Variants in GRK5 observed in about 807,000 individuals in gnomAD.
GRK5 encodes the protein G protein-coupled receptor kinase 5.
GRK5 carries 40 observed loss-of-function variants against 78.4 expected under a neutral mutation model. That is an observed-to-expected ratio of 0.51 (90% CI 0.40 to 0.66). The LOEUF (loss-of-function observed/expected upper bound fraction) is 0.66. Among genes scored for constraint, GRK5 ranks in the 30% least tolerant of loss-of-function variants. The pLI, the probability that GRK5 is intolerant of heterozygous loss-of-function variation, is 0.00. For missense variants in GRK5, 598 were observed against 759.9 expected, an observed-to-expected ratio of 0.79 and a Z score of 2.50; for synonymous variants, 289 against 296.8, an observed-to-expected ratio of 0.97 and a Z score of 0.27.
rs748682304 is a variant in GRK5 at position 119,441,990 on chromosome 10, C to A, written c.968-9C>A. On this transcript the variant is annotated splice_polypyrimidine_tract_variant and intron_variant, in intron 10 of 15. Coordinates refer to ENST00000392870, the MANE Select transcript of GRK5 (RefSeq NM_005308.3). ...CCCAGGGACCCACTGACCCTGCTGTCCCCCTCAGGCCACATTAGGATCTCA... is the reference window on the plus strand; with the variant it reads ...CCCAGGGACCCACTGACCCTGCTGTACCCCTCAGGCCACATTAGGATCTCA... The A allele has an allele frequency of 1.2e-6, 2 of 1,612,628 alleles. No individual in the cohort carries two copies. The highest frequency in any genetic ancestry group is 1.1e-5 in the South Asian group (1 of 91,046).
chr10:119,329,857 C>CTTTTT (rs1177940254), intron 2 of GRK5, among the ~76,000 whole-genome samples: 9 of 110,380 alleles, frequency 8.2e-5, no homozygotes, highest in East Asian at 3.1e-4. Context: ...CAGACACCTA[C>CTTTTT]TTTTTTTTTT....
chr10:119,214,588 C>G (rs1848541156), intron 1 of GRK5, among the ~76,000 whole-genome samples: 1 of 152,072 alleles, frequency 6.6e-6, no homozygotes, highest in South Asian at 2.1e-4. Context: ...GGTGCCATCT[C>G]AGCTCACTGC....
intron 1 of GRK5, among the ~76,000 whole-genome samples, chr10:119,245,656 C>G (rs1849095223): frequency 6.6e-6 from 1 of 152,080 alleles, no homozygotes; most frequent in Non-Finnish European, 1.5e-5. Flanking sequence ...TTCTGATATA[C>G]AAGATGAGAA....
chr10:119,227,295 G>A (rs1159318323), intron 1 of GRK5, among the ~76,000 whole-genome samples: 3 of 152,224 alleles, frequency 2.0e-5, no homozygotes, highest in Non-Finnish European at 4.4e-5. Flanking sequence ...GGCTGGGCAC[G>A]GTGGCTCATG....
rs1849229467 is a variant in GRK5 at position 119,253,199 on chromosome 10, TC to T, written c.52+45231del. ...TACACCACCCAGTGCCCCCTTGAGC[TC>T]ACATCTGAGGGTCTGTTGAGATTAC... is the stretch of plus-strand genomic sequence containing the variant. On this transcript the variant is annotated intron_variant, in intron 1 of 15. Coordinates refer to ENST00000392870, the MANE Select transcript of GRK5 (RefSeq NM_005308.3). The surrounding 1 kb of genome is among the most constrained non-coding windows in gnomAD (Gnocchi z 5.7). Among the ~76,000 whole-genome samples, 3 of 152,168 alleles carry T rather than the reference TC, an allele frequency of 2.0e-5. No individual in the cohort carries two copies. Among genetic ancestry groups the T allele is most frequent in the Non-Finnish European group, 2.9e-5 (2 of 68,022 alleles).
At chr10:119,226,959 A>G (rs116159992) in intron 1 of GRK5, among the ~76,000 whole-genome samples, 234 of 152,234 alleles carry the variant, frequency 1.5e-3, no homozygotes, top group African/African-American at 5.0e-3. Flanking sequence ...CCTGGGCTCA[A>G]GTGGTTTTCC....
At chr10:119,225,085 G>C (rs145970646) in intron 1 of GRK5, among the ~76,000 whole-genome samples, 230 of 152,208 alleles carry the variant, frequency 1.5e-3, no homozygotes, top group African/African-American at 5.3e-3. Flanking sequence ...AGCCAAGAGG[G>C]GTTACATTTG....
At chr10:119,292,483 A>C (rs1850000409) in intron 1 of GRK5, among the ~76,000 whole-genome samples, 1 of 152,216 alleles carries the variant, frequency 6.6e-6, no homozygotes, top group Non-Finnish European at 1.5e-5. Context: ...AAAAAAACCC[A>C]ATACCCTAAA....
At chr10:119,304,940 C>T (rs991376896) in intron 1 of GRK5, among the ~76,000 whole-genome samples, 8 of 152,112 alleles carry the variant, frequency 5.3e-5, no homozygotes, top group East Asian at 3.9e-4. Flanking sequence ...TTCTTCCCTT[C>T]CTTCTTCCCT....
intron 3 of GRK5, among the ~76,000 whole-genome samples, chr10:119,394,852 C>CCCTAT: frequency 6.8e-6 from 1 of 147,862 alleles, no homozygotes; most frequent in East Asian, 2.1e-4. Flanking sequence ...CGTGTGTGTG[C>CCCTAT]ACACATGTGC....
intron 4 of GRK5, among the ~76,000 whole-genome samples, chr10:119,411,566 G>T (rs998652500): frequency 6.6e-6 from 1 of 152,180 alleles, no homozygotes; most frequent in Non-Finnish European, 1.5e-5. Context: ...TGCTGAGCAT[G>T]CTTTTTAAGA....
rs754511005 is a variant in GRK5, at chr10:119,378,677, T to A, written c.149-2138T>A. ...TCTCCGCTTGTGTGCGGGCTGCGCC[T>A]CCGTGGGCTCTCGCTGCGTGGGGGG... On this transcript the variant is annotated intron_variant, in intron 2 of 15. Coordinates refer to ENST00000392870, the MANE Select transcript of GRK5 (RefSeq NM_005308.3). The surrounding 1 kb of genome is among the most constrained non-coding windows in gnomAD (Gnocchi z 4.5). Among the ~76,000 whole-genome samples the A allele has an allele frequency of 3.8e-5, 3 of 79,766 alleles. No homozygotes were observed. In the East Asian group the frequency reaches 4.5e-3, roughly 119 times the overall value. The allele number at this position is 79,766 out of a possible 152,430, so 52.3% of individuals were successfully genotyped here. A position where few individuals can be genotyped will look rare whatever the true frequency, so the allele number is the denominator to read the frequency against.
intron 1 of GRK5, among the ~76,000 whole-genome samples, chr10:119,248,374 C>T (rs560266886): frequency 6.6e-6 from 1 of 152,262 alleles, no homozygotes; most frequent in Non-Finnish European, 1.5e-5. Flanking sequence ...GTACAGCTTG[C>T]TTTTTTCACT....
At chr10:119,355,032 T>C (rs146874815) in intron 2 of GRK5, among the ~76,000 whole-genome samples, 29 of 152,320 alleles carry the variant, frequency 1.9e-4, no homozygotes, top group African/African-American at 6.7e-4. Flanking sequence ...TTCTCCTGTA[T>C]ACTTTAAATC....
intron 1 of GRK5, among the ~76,000 whole-genome samples, chr10:119,226,417 G>A (rs1848742716): frequency 6.7e-6 from 1 of 148,322 alleles, no homozygotes; most frequent in Non-Finnish European, 1.5e-5. Context: ...GTTCAAGCGT[G>A]CTGATTCTCT....
At chr10:119,241,875 A>C (rs1372240430) in intron 1 of GRK5, among the ~76,000 whole-genome samples, 1 of 152,204 alleles carries the variant, frequency 6.6e-6, no homozygotes, top group East Asian at 1.9e-4. Context: ...AATGTGGCTC[A>C]AGGAGGCAGC....
chr10:119,393,922 G>A (rs560892558), intron 3 of GRK5, among the ~76,000 whole-genome samples: 1 of 151,456 alleles, frequency 6.6e-6, no homozygotes, highest in Admixed American at 6.6e-5. Context: ...GTGTTTGTGT[G>A]GATGGGTATC....
At chr10:119,381,747 GCCCCT>G (rs1851712925) in intron 3 of GRK5, among the ~76,000 whole-genome samples, 1 of 152,014 alleles carries the variant, frequency 6.6e-6, no homozygotes, top group Non-Finnish European at 1.5e-5. Context: ...AGTCATCCAG[GCCCCT>G]CCCCTCCCCG....
At chr10:119,351,652 T>A (rs1454699853) in intron 2 of GRK5, among the ~76,000 whole-genome samples, 1 of 152,102 alleles carries the variant, frequency 6.6e-6, no homozygotes, top group Non-Finnish European at 1.5e-5. Flanking sequence ...TAAGACACTA[T>A]TATAGGTGGT....
Sources: allele counts gnomAD v4.1 joint callset (sites outside exome capture counted in the v4.1 genomes callset), GRCh38; gene constraint gnomAD v4.1.1; non-coding constraint Gnocchi (gnomAD v3.1); transcripts MANE v1.5; gene names NCBI Gene and HGNC (gene_info 2026-07-23, HGNC 2026-07-21).